Variants in MMP16 observed in about 807,000 individuals in gnomAD.
The protein encoded by MMP16 is matrix metalloproteinase-16.
Under a neutral mutation model 67.8 loss-of-function variants are expected in MMP16, and 12 were observed. The observed-to-expected ratio is 0.18, with a 90% CI of 0.11 to 0.29. MMP16 has a LOEUF of 0.29. Among genes scored for constraint, MMP16 ranks in the 10% least tolerant of loss-of-function variants. The pLI is 1.00. For missense variants in MMP16, 475 were observed against 765.7 expected, an observed-to-expected ratio of 0.62 and a Z score of 4.48; for synonymous variants, 249 against 255.9, an observed-to-expected ratio of 0.97 and a Z score of 0.26.
chr8:88,054,410 T>C (rs899967725), intron 8 of MMP16, among the ~76,000 whole-genome samples: 2 of 152,208 alleles, frequency 1.3e-5, no homozygotes, highest in Admixed American at 1.3e-4. Flanking sequence ...AAGAATATGT[T>C]ATAAGTCTGC....
At chr8:88,237,199 T>TA in intron 1 of MMP16, among the ~76,000 whole-genome samples, 1 of 152,186 alleles carries the variant, frequency 6.6e-6, no homozygotes, top group East Asian at 1.9e-4. Context: ...ACAACAGTAT[T>TA]AAAGGTAAAA....
At chr8:88,138,708 C>A (rs1001525687) in intron 4 of MMP16, among the ~76,000 whole-genome samples, 10 of 152,092 alleles carry the variant, frequency 6.6e-5, no homozygotes, top group Admixed American at 5.2e-4. Context: ...GTCCTAAGAT[C>A]ACCTAAGTAT....
chr8:88,213,169 T>C (rs1809537624), intron 1 of MMP16, among the ~76,000 whole-genome samples: 1 of 152,148 alleles, frequency 6.6e-6, no homozygotes, highest in Non-Finnish European at 1.5e-5. Context: ...TCTGTAATTC[T>C]TTAGCAGTAT....
Position 88,079,226 on chromosome 8 carries a change from C to T in MMP16, c.1084-4483G>A, listed in dbSNP as rs184990819. Reference sequence around the variant, plus strand: ...AGTAGGCCCTCTGTTTCTGTGGTTTCGCTTTCCACAGTTTCAGTTACCTGT... The same window carrying T: ...AGTAGGCCCTCTGTTTCTGTGGTTTTGCTTTCCACAGTTTCAGTTACCTGT... On this transcript the variant is annotated intron_variant, in intron 6 of 9. Coordinates refer to ENST00000286614, the MANE Select transcript of MMP16 (RefSeq NM_005941.5). Among the ~76,000 whole-genome samples the T allele has an allele frequency of 2.1e-3, 317 of 152,186 alleles. 5 individuals carry two copies. Among genetic ancestry groups the T allele is most frequent in the African/African-American group, 7.3e-3 (303 of 41,524 alleles).
In MMP16 at chr8:88,046,681, G is replaced by T; in HGVS notation, c.1477C>A (p.His493Asn). ...IPESPQGAFV[H>N]KENGFTYFYK... is the part of the protein sequence containing the mutation. ...ACATGTTGCATACCATTTTCTTTGT[G>T]TACAAATGCTCCCTGAGGAGATTCA... Residue 493 changes from histidine (H) to asparagine (N), a missense_variant, in exon 9 of 10, where the codon CAC (histidine) becomes AAC (asparagine). Physicochemically the swap from His to Asn is moderately conservative, Grantham distance 68 (BLOSUM62 1). Around this residue, in one of 5 missense-constraint regions of MMP16, gnomAD observed 23 missense variants for 79.1 expected, o/e 0.29. Transcript: ENST00000286614. 2 of 1,598,712 alleles carry T rather than the reference G, an allele frequency of 1.3e-6. No individual in the cohort carries two copies. The highest frequency in any genetic ancestry group is 1.7e-6 in the Non-Finnish European group (2 of 1,173,450).
chr8:88,304,635 C>G (rs1446959091), intron 1 of MMP16, among the ~76,000 whole-genome samples: 1 of 152,118 alleles, frequency 6.6e-6, no homozygotes, highest in African/African-American at 2.4e-5. Context: ...AGATTGGGGG[C>G]CAATATTCAA....
chr8:88,059,701 T>C (rs559529944), intron 7 of MMP16, among the ~76,000 whole-genome samples: 1 of 152,180 alleles, frequency 6.6e-6, no homozygotes, highest in South Asian at 2.1e-4. Context: ...AAGGTAATAC[T>C]ATCACTGTAA....
intron 4 of MMP16, among the ~76,000 whole-genome samples, chr8:88,145,625 T>C (rs1808277684): frequency 6.6e-6 from 1 of 151,972 alleles, no homozygotes; most frequent in Non-Finnish European, 1.5e-5. Flanking sequence ...ACTCATTTTA[T>C]TCCCTTGTTG....
intron 4 of MMP16, among the ~76,000 whole-genome samples, chr8:88,144,207 G>A (rs530847207): frequency 6.6e-6 from 1 of 151,838 alleles, no homozygotes; most frequent in Non-Finnish European, 1.5e-5. Context: ...TCACTGTCCC[G>A]AATGAGTAAA....
At chr8:88,210,279 A>C (rs1399420389) in intron 1 of MMP16, among the ~76,000 whole-genome samples, 1 of 152,186 alleles carries the variant, frequency 6.6e-6, no homozygotes. Flanking sequence ...CTATTGCTGC[A>C]CTTATTGAGA....
At position 88,041,310 on chromosome 8, in the gene MMP16, A is replaced by G; in HGVS notation, c.*151T>C. 1.4e-6 allele frequency: 1 copy of G among 695,668 alleles called. No homozygotes were observed. The allele number at this position is 695,668 out of a possible 1,614,324, so 43.1% of individuals were successfully genotyped here. On this transcript the variant is annotated 3_prime_UTR_variant, in exon 10 of 10. Transcript: ENST00000286614. This position sits in a 1 kb window ranked among gnomAD's most constrained non-coding sequence, Gnocchi z 6.0. The stretch of plus-strand genomic sequence containing the variant: ...CATGAGTGTATTTCCACTCATGTGC[A>G]GGACCAGCAACCCTCTGGGTTTGAA...
chr8:88,182,739 A>G (rs1240587568), intron 3 of MMP16, among the ~76,000 whole-genome samples: 1 of 152,194 alleles, frequency 6.6e-6, no homozygotes, highest in African/African-American at 2.4e-5. Context: ...ATTTATGCCT[A>G]CACAAAAACA....
At chr8:88,099,105 AT>A (rs1422474507) in intron 6 of MMP16, among the ~76,000 whole-genome samples, 3 of 151,780 alleles carry the variant, frequency 2.0e-5, no homozygotes, top group Non-Finnish European at 4.4e-5. Flanking sequence ...TTTTATGTAC[AT>A]GTTCTAAATT....
intron 3 of MMP16, among the ~76,000 whole-genome samples, chr8:88,172,200 C>A (rs1245285434): frequency 6.6e-6 from 1 of 152,048 alleles, no homozygotes; most frequent in African/African-American, 2.4e-5. Context: ...AGTAACCCCT[C>A]ATTTTTTTTA....
In MMP16 at chr8:88,046,525, GA is replaced by G. The variant is rs537623553; in HGVS notation, c.1489+143del. 58 of 396,974 alleles carry G rather than the reference GA, an allele frequency of 1.5e-4. 4 individuals are homozygous for G. Among genetic ancestry groups the G allele is most frequent in the Admixed American group, 1.2e-3 (27 of 23,296 alleles). The allele number at this position is 396,974 out of a possible 1,614,324, so 24.6% of individuals were successfully genotyped here. On this transcript the variant is annotated intron_variant, in intron 9 of 9. Coordinates refer to ENST00000286614, the MANE Select transcript of MMP16 (RefSeq NM_005941.5). ...AGCATAATATGATATGTAAATCTAG[GA>G]AAAAAAGTTCATATAAATAGAAATA...
At chr8:88,237,260 C>T (rs532817104) in intron 1 of MMP16, among the ~76,000 whole-genome samples, 4 of 152,226 alleles carry the variant, frequency 2.6e-5, no homozygotes, top group Admixed American at 2.6e-4. Flanking sequence ...GATGCAGAAA[C>T]GAAGGGATGG....
intron 2 of MMP16, among the ~76,000 whole-genome samples, chr8:88,190,007 T>A (rs758258780): frequency 3.9e-5 from 6 of 152,220 alleles, no homozygotes; most frequent in Non-Finnish European, 7.3e-5. Context: ...CAATCCTATA[T>A]ATTTCTTGAG....
At chr8:88,119,755 C>T (rs1807787639) in intron 4 of MMP16, among the ~76,000 whole-genome samples, 1 of 151,924 alleles carries the variant, frequency 6.6e-6, no homozygotes, top group Admixed American at 6.6e-5. Flanking sequence ...ACTTGGACAA[C>T]GTGGTGTATC....
At chr8:88,155,126 T>C (rs1808486986) in intron 4 of MMP16, among the ~76,000 whole-genome samples, 1 of 152,090 alleles carries the variant, frequency 6.6e-6, no homozygotes, top group Non-Finnish European at 1.5e-5. Flanking sequence ...TACTGAATGT[T>C]TGGTCCAAAT....
Sources: allele counts gnomAD v4.1 joint callset (sites outside exome capture counted in the v4.1 genomes callset), GRCh38; gene constraint gnomAD v4.1.1; regional missense constraint gnomAD v4.1.1; non-coding constraint Gnocchi (gnomAD v3.1); transcripts MANE v1.5; gene names NCBI Gene and HGNC (gene_info 2026-07-23, HGNC 2026-07-21).